BICD1: variants seen among roughly 807,000 people sequenced by gnomAD.
The protein encoded by BICD1 is protein bicaudal D homolog 1.
Under a neutral mutation model 92.5 loss-of-function variants are expected in BICD1, and 35 were observed. The ratio of observed to expected loss-of-function variants is 0.38; its 90% CI spans 0.29 to 0.50. The LOEUF (loss-of-function observed/expected upper bound fraction) is 0.50, where lower values mean the gene tolerates loss of function less well. BICD1 is among the 20% of genes least tolerant of loss of function. BICD1 has a pLI of 0.93. For missense variants in BICD1, 950 were observed against 1,189.8 expected (o/e 0.80, Z 2.97); for synonymous variants, 429 against 465.1 (o/e 0.92, Z 1.00).
intron 2 of BICD1, among the ~76,000 whole-genome samples, chr12:32,260,972 A>G (rs977363149): frequency 1.3e-5 from 2 of 152,224 alleles, no homozygotes; most frequent in African/African-American, 4.8e-5. Context: ...TTTCAATAAA[A>G]ATAGCCTTGT....
chr12:32,116,894 T>C (rs1941935848), intron 1 of BICD1, among the ~76,000 whole-genome samples: 2 of 152,208 alleles, frequency 1.3e-5, no homozygotes, highest in South Asian at 4.1e-4. Context: ...ACATTTTTTT[T>C]TTAACCATTT....
intron 2 of BICD1, among the ~76,000 whole-genome samples, chr12:32,274,000 T>G (rs6488041): frequency 1.3e-5 from 2 of 152,016 alleles, no homozygotes; most frequent in Non-Finnish European, 2.9e-5. Flanking sequence ...TGGGCATTAT[T>G]CAGAGAGAAT....
intron 1 of BICD1, among the ~76,000 whole-genome samples, chr12:32,126,663 A>G (rs934482365): frequency 2.6e-5 from 4 of 152,030 alleles, no homozygotes; most frequent in African/African-American, 9.7e-5. Flanking sequence ...AGGCTGAGGC[A>G]GGAGAATTGC....
At chr12:32,243,402 C>T (rs1048260303) in intron 2 of BICD1, among the ~76,000 whole-genome samples, 1 of 151,318 alleles carries the variant, frequency 6.6e-6, no homozygotes, top group Non-Finnish European at 1.5e-5. Context: ...GCATGAGCAA[C>T]TGCGTCTGGC....
At chr12:32,321,610 C>A (rs573620657) in intron 4 of BICD1, among the ~76,000 whole-genome samples, 1 of 152,252 alleles carries the variant, frequency 6.6e-6, no homozygotes, top group East Asian at 1.9e-4. Context: ...TGGATAAATT[C>A]TTTACAAATG....
At chr12:32,334,759 C>G in intron 6 of BICD1, 92 bp downstream of exon 6, 1 of 1,404,762 alleles carries the variant, frequency 7.1e-7, no homozygotes, top group Non-Finnish European at 9.6e-7. Flanking sequence ...TGAGTGTATT[C>G]GGTGAGTAGT....
chr12:32,161,274 C>A (rs1943593280), intron 1 of BICD1, among the ~76,000 whole-genome samples: 1 of 152,178 alleles, frequency 6.6e-6, no homozygotes. Flanking sequence ...TGAAAGGGAG[C>A]TGACACTAGA....
intron 2 of BICD1, among the ~76,000 whole-genome samples, chr12:32,261,692 C>T (rs930527848): frequency 6.6e-6 from 1 of 152,208 alleles, no homozygotes; most frequent in Non-Finnish European, 1.5e-5. Flanking sequence ...AGAGATTCTA[C>T]TACTGAAGTG....
At chr12:32,135,057 T>TTCCCC (rs982546750) in intron 1 of BICD1, among the ~76,000 whole-genome samples, 1 of 31,182 alleles carries the variant, frequency 3.2e-5, no homozygotes, top group Non-Finnish European at 6.8e-5. Flanking sequence ...CTCCCCTCCA[T>TTCCCC]TCCCCTCCCC....
chr12:32,289,660 G>A (rs1476427081), intron 2 of BICD1, among the ~76,000 whole-genome samples: 2 of 152,218 alleles, frequency 1.3e-5, no homozygotes, highest in Non-Finnish European at 2.9e-5. Context: ...TGGGATTACA[G>A]GCGTAAGCCA....
chr12:32,203,462 C>A (rs191983344), intron 1 of BICD1, among the ~76,000 whole-genome samples: 13 of 152,204 alleles, frequency 8.5e-5, no homozygotes, highest in Admixed American at 3.3e-4. Flanking sequence ...CAGCAACAAC[C>A]GAAGCATACC....
At chr12:32,166,785 C>T (rs1401164469) in intron 1 of BICD1, among the ~76,000 whole-genome samples, 1 of 152,154 alleles carries the variant, frequency 6.6e-6, no homozygotes, top group Non-Finnish European at 1.5e-5. Context: ...GATTGGAATC[C>T]TTGACCGAAG....
chr12:32,338,982 A>G lies in BICD1; in HGVS notation c.2764+3A>G. The G allele has an allele frequency of 6.3e-7, 1 of 1,586,942 alleles. No individual in the cohort carries two copies. The highest frequency in any genetic ancestry group is 1.2e-5 in the South Asian group (1 of 86,556). On this transcript the variant is annotated splice_donor_region_variant and intron_variant, in intron 8 of 9. Coordinates refer to ENST00000652176, the MANE Select transcript of BICD1 (RefSeq NM_001714.4). ...AAGGTTAACCGTGGCTCCACCAGGTAAACATTTTTTCCTTGGGTGCATGTG... is the reference window on the plus strand; with the variant it reads ...AAGGTTAACCGTGGCTCCACCAGGTGAACATTTTTTCCTTGGGTGCATGTG...
intron 8 of BICD1, among the ~76,000 whole-genome samples, chr12:32,363,609 TCA>T (rs63406461): frequency 0.49 from 73,729 of 151,832 alleles, 18,034 homozygotes; most frequent in Middle Eastern, 0.55. Context: ...AGCCTAGATA[TCA>T]CAACCTCCAG....
At chr12:32,340,126 A>G in intron 8 of BICD1, 1 of 985,232 alleles carries the variant, frequency 1.0e-6, no homozygotes, top group Non-Finnish European at 1.2e-6. Flanking sequence ...TCCTTTTTGC[A>G]AACCTCAGCC....
chr12:32,348,726 ATATATATATATATATATATATATATATAT>A (rs1938738203), intron 8 of BICD1, among the ~76,000 whole-genome samples: 4 of 3,782 alleles, frequency 1.1e-3, no homozygotes, highest in Non-Finnish European at 1.7e-3. Flanking sequence ...ACACAAAAAT[ATATATATATATATATATATATATATATAT>A]ATATATATAT....
chr12:32,108,209 C>T (rs1189683293), intron 1 of BICD1: 1 of 187,868 alleles, frequency 5.3e-6, no homozygotes, highest in Non-Finnish European at 1.1e-5. Flanking sequence ...AAATTGAACT[C>T]ACCTACAAAT....
In BICD1 at chr12:32,367,697, C is replaced by T. The variant is rs757213231; in HGVS notation, c.2792C>T (p.Pro931Leu). 5 of 1,614,084 alleles carry T rather than the reference C, an allele frequency of 3.1e-6. No individual in the cohort carries two copies. In the Admixed American group the frequency reaches 5.0e-5, roughly 16 times the overall value. Residue 931 changes from proline to leucine, a missense_variant, in exon 9 of 10, where the codon CCG (proline) becomes CTG (leucine). Physicochemically the swap from Pro to Leu is moderately conservative, Grantham distance 98 (BLOSUM62 -3). Coordinates refer to ENST00000652176, the MANE Select transcript of BICD1 (RefSeq NM_001714.4). ...PDCQQPAASV[P>L]PQCSQLAGRQ... is the part of the protein sequence containing the mutation. ...TGTCAGCAGCCTGCTGCCTCCGTAC[C>T]GCCACAGTGCTCACAACTAGCCGGG... is the stretch of plus-strand genomic sequence containing the variant.
chr12:32,314,604 G>A (rs750102202), intron 4 of BICD1, among the ~76,000 whole-genome samples: 7 of 152,042 alleles, frequency 4.6e-5, no homozygotes, highest in Middle Eastern at 3.4e-3. Flanking sequence ...ATTATTTTTT[G>A]ACTGGGTTGT....
Sources: gnomAD v4.1 joint callset for allele counts (sites outside exome capture counted in the v4.1 genomes callset) on GRCh38, gnomAD v4.1.1 for gene constraint, MANE v1.5 for transcripts, NCBI Gene and HGNC (gene_info 2026-07-23, HGNC 2026-07-21) for gene names.